Variants in ZBTB20 observed in about 807,000 individuals in gnomAD.
ZBTB20 encodes the protein zinc finger and BTB domain-containing protein 20.
In ZBTB20, 9 loss-of-function variants were observed where a neutral mutation model predicts 56.9. The observed-to-expected ratio is 0.16, with a 90% CI of 0.10 to 0.28. The LOEUF (loss-of-function observed/expected upper bound fraction) is 0.28, where lower values mean the gene tolerates loss of function less well. Ranked by LOEUF, ZBTB20 falls within the 10% of genes least tolerant of loss-of-function variation. ZBTB20 has a pLI of 1.00. For missense variants in ZBTB20, 655 were observed against 1,003.0 expected (o/e 0.65, Z 4.69); for synonymous variants, 417 against 420.7 (o/e 0.99, Z 0.11).
chr3:114,635,282 G>A (rs367962400), intron 6 of ZBTB20, among the ~76,000 whole-genome samples: 4 of 152,256 alleles, frequency 2.6e-5, no homozygotes, highest in African/African-American at 9.6e-5. Context: ...TGCTCCCCAA[G>A]GTGTATGTCT....
At chr3:114,480,981 G>T (rs913413109) in intron 7 of ZBTB20, among the ~76,000 whole-genome samples, 2 of 152,136 alleles carry the variant, frequency 1.3e-5, no homozygotes, top group South Asian at 4.1e-4. Flanking sequence ...ACTAATAGAT[G>T]AAGTTAGTTG....
intron 4 of ZBTB20, among the ~76,000 whole-genome samples, chr3:114,807,429 C>G (rs951242743): frequency 6.6e-6 from 1 of 151,800 alleles, no homozygotes; most frequent in African/African-American, 2.4e-5. Context: ...CCCTTCCCCT[C>G]CCCCTCCCCT....
intron 1 of ZBTB20, among the ~76,000 whole-genome samples, chr3:115,141,895 T>C (rs993272278): frequency 3.3e-5 from 5 of 152,214 alleles, no homozygotes; most frequent in Admixed American, 1.3e-4. Context: ...AAAAACTTGA[T>C]AGATGTCAAG....
At chr3:115,127,489 G>A (rs566002325) in intron 1 of ZBTB20, among the ~76,000 whole-genome samples, 12 of 152,276 alleles carry the variant, frequency 7.9e-5, no homozygotes, top group African/African-American at 2.9e-4. Context: ...AGCTACTGGG[G>A]AGGCTGAGGC....
At chr3:114,660,216 A>C (rs954972446) in intron 6 of ZBTB20, among the ~76,000 whole-genome samples, 6 of 152,148 alleles carry the variant, frequency 3.9e-5, no homozygotes, top group Non-Finnish European at 5.9e-5. Context: ...GTTCTGCTCA[A>C]CGAGTATTGA....
intron 7 of ZBTB20, among the ~76,000 whole-genome samples, chr3:114,478,196 C>T (rs1157635464): frequency 6.6e-6 from 1 of 152,062 alleles, no homozygotes; most frequent in African/African-American, 2.4e-5. Flanking sequence ...GAACTCCTGA[C>T]CTCAGGTGAT....
intron 6 of ZBTB20, among the ~76,000 whole-genome samples, chr3:114,647,562 G>C (rs2059917663): frequency 6.6e-6 from 1 of 152,162 alleles, no homozygotes; most frequent in Admixed American, 6.5e-5. Context: ...CATGAGTTTA[G>C]AGTCAGTCAG....
intron 1 of ZBTB20, among the ~76,000 whole-genome samples, chr3:115,106,041 T>C (rs762528377): frequency 2.0e-5 from 3 of 151,888 alleles, no homozygotes; most frequent in Non-Finnish European, 4.4e-5. Context: ...TGGTCTCAAA[T>C]TCCCGACCTT....
At chr3:114,513,068 A>G (rs1267330722) in intron 6 of ZBTB20, among the ~76,000 whole-genome samples, 1 of 152,176 alleles carries the variant, frequency 6.6e-6, no homozygotes, top group African/African-American at 2.4e-5. Flanking sequence ...TGGACATGGT[A>G]AAAAGAACAC....
intron 6 of ZBTB20, chr3:114,624,929 T>C (rs1240937379): frequency 6.6e-6 from 1 of 152,636 alleles, no homozygotes; most frequent in Non-Finnish European, 1.5e-5. Flanking sequence ...TGCTGGACTG[T>C]ACCGTAAGCA....
intron 6 of ZBTB20, among the ~76,000 whole-genome samples, chr3:114,643,778 T>A (rs2059685988): frequency 6.6e-6 from 1 of 152,114 alleles, no homozygotes; most frequent in African/African-American, 2.4e-5. Context: ...TAAATTGGCA[T>A]GACTGAAGTA....
At position 114,621,032 on chromosome 3, in the gene ZBTB20, T is replaced by C. The variant is rs139992198; in HGVS notation, c.-295+72496A>G. 8.2e-3 allele frequency among the ~76,000 whole-genome samples: 1,249 copies of C among 152,360 alleles called. 21 individuals are homozygous for C. Among genetic ancestry groups the C allele is most frequent in the African/African-American group, 0.028 (1,163 of 41,582 alleles). On this transcript the variant is annotated intron_variant, in intron 6 of 11. Transcript: ENST00000675478. ...TGAGAAACTAAAATGGGATCATCTG[T>C]ATATGTACTCAGCCTTATAAAATAA...
At chr3:114,942,934 G>A (rs956860308) in intron 3 of ZBTB20, among the ~76,000 whole-genome samples, 5 of 145,312 alleles carry the variant, frequency 3.4e-5, no homozygotes, top group Admixed American at 3.3e-4. Context: ...AACTGTAAAT[G>A]CAATGAGGTG....
At chr3:114,775,499 A>C (rs1181060209) in intron 5 of ZBTB20, among the ~76,000 whole-genome samples, 2 of 145,166 alleles carry the variant, frequency 1.4e-5, no homozygotes, top group Non-Finnish European at 3.0e-5. Flanking sequence ...TCCTTACTCC[A>C]CCTCTTTTCC....
intron 6 of ZBTB20, among the ~76,000 whole-genome samples, chr3:114,546,492 C>T (rs1253599181): frequency 6.6e-6 from 1 of 151,430 alleles, no homozygotes; most frequent in Non-Finnish European, 1.5e-5. Context: ...TCTGAAGGTT[C>T]TAGTCTGGAC....
intron 6 of ZBTB20, among the ~76,000 whole-genome samples, chr3:114,555,980 T>C (rs1199141642): frequency 2.6e-5 from 4 of 152,128 alleles, no homozygotes; most frequent in Admixed American, 2.6e-4. Context: ...GGAGATAACA[T>C]AGGTGTCATT....
chr3:114,679,966 T>C (rs901716345), intron 6 of ZBTB20, among the ~76,000 whole-genome samples: 1 of 152,156 alleles, frequency 6.6e-6, no homozygotes, highest in Non-Finnish European at 1.5e-5. Flanking sequence ...TAAAAAAGGA[T>C]GACATCATGT....
rs534422330 is a variant in ZBTB20, at chr3:114,758,394, T to C, written c.-343+42707A>G. Among the ~76,000 whole-genome samples, 27 of 152,290 alleles carry C rather than the reference T, an allele frequency of 1.8e-4. 2 individuals are homozygous for C. The South Asian group carries it at 5.2e-3, about 29-fold the overall frequency. ...GACAATAAGGACACTTTAGTTATTA[T>C]AGACGTCTGAAGTTTAAGTATTCCA... On this transcript the variant is annotated intron_variant, in intron 5 of 11. Transcript: ENST00000675478.
chr3:115,071,851 A>G (rs1244175855), intron 1 of ZBTB20, among the ~76,000 whole-genome samples: 3 of 152,162 alleles, frequency 2.0e-5, no homozygotes, highest in African/African-American at 7.2e-5. Context: ...GGATCATCCA[A>G]ACTCTGAAAA....
Sources: gnomAD v4.1 joint callset for allele counts (sites outside exome capture counted in the v4.1 genomes callset) on GRCh38, gnomAD v4.1.1 for gene constraint, MANE v1.5 for transcripts, NCBI Gene and HGNC (gene_info 2026-07-23, HGNC 2026-07-21) for gene names.